Variants in AANAT observed in about 807,000 individuals in gnomAD.
AANAT encodes the protein serotonin N-acetyltransferase.
In AANAT, 11 loss-of-function variants were observed where a neutral mutation model predicts 15.6. The observed-to-expected ratio is 0.71, with a 90% CI of 0.44 to 1.17. AANAT has a LOEUF of 1.17. AANAT is among the 50% of genes most tolerant of loss of function. The pLI, the probability that AANAT is intolerant of heterozygous loss-of-function variation, is 0.00. For synonymous variants in AANAT, 139 were observed against 131.5 expected, an observed-to-expected ratio of 1.06 and a Z score of -0.39; for missense variants, 286 against 296.3, an observed-to-expected ratio of 0.97 and a Z score of 0.26.
In AANAT at chr17:76,457,629, A is replaced by G. The variant is rs545117128; in HGVS notation, c.-575-1618A>G. 2.6e-5 allele frequency among the ~76,000 whole-genome samples: 4 copies of G among 152,342 alleles called. No homozygotes were observed. In the South Asian group the frequency reaches 6.2e-4, roughly 24 times the overall value. On this transcript the variant is annotated intron_variant, in intron 1 of 6. Coordinates refer to the AANAT transcript ENST00000250615. ...TGGAGGTAAGACTCCTTGATTTTAC[A>G]TGCTGATCTCTCCCTCACTAGACTA... is the stretch of plus-strand genomic sequence containing the variant.
In AANAT at chr17:76,469,916, G is replaced by T; in HGVS notation, c.570G>T (p.Glu190Asp). Residue 190 changes from glutamate (E) to aspartate (D), a missense_variant, in exon 4 of 4, where the codon GAG (glutamate) becomes GAT (aspartate). Physicochemically the swap from Glu to Asp is conservative, Grantham distance 45. Transcript: ENST00000392492. The surrounding 1 kb of genome is among the most constrained non-coding windows in gnomAD (Gnocchi z 5.2). ...CCGTGGGCTCCCTCACCTTCATGGA[G>T]CTCCACTGCTCCCTGCGGGGCCACC... is the stretch of plus-strand genomic sequence containing the variant. ...AITVGSLTFM[E>D]LHCSLRGHPF... 1 of 1,561,206 alleles carries T rather than the reference G, an allele frequency of 6.4e-7. No homozygotes were observed. The highest frequency in any genetic ancestry group is 8.7e-7 in the Non-Finnish European group (1 of 1,153,942).
intron 1 of AANAT, among the ~76,000 whole-genome samples, chr17:76,455,205 A>G (rs979783358): frequency 2.8e-4 from 42 of 152,250 alleles, no homozygotes; most frequent in African/African-American, 9.6e-4. Flanking sequence ...AAATCCCAAC[A>G]CTTTGGGATG....
upstream of AANAT, among the ~76,000 whole-genome samples, chr17:76,464,497 G>T (rs934174372): frequency 1.3e-5 from 2 of 152,178 alleles, no homozygotes; most frequent in Non-Finnish European, 1.5e-5. Flanking sequence ...AAGAGGCCAG[G>T]CTGGGTGGAG....
intron 2 of AANAT, 90 bp downstream of exon 2, chr17:76,468,999 G>A: frequency 6.7e-7 from 1 of 1,497,722 alleles, no homozygotes; most frequent in Admixed American, 1.8e-5. Context: ...GTCCTTGGAG[G>A]CTGGGTCCCA....
At chr17:76,468,948 C>A in intron 2 of AANAT, 39 bp downstream of exon 2, 2 of 1,590,326 alleles carry the variant, frequency 1.3e-6, no homozygotes, top group South Asian at 1.1e-5. Flanking sequence ...ATGCTCCACT[C>A]TGGTCCAGTT....
rs963722237 is a variant in AANAT, at chr17:76,469,339, G to A, written c.318+12G>A. Reference sequence around the variant, plus strand: ...AGAGACTCATGCAGGTGAGGACAGGGCTGCGACGCCCAGCTCCAGGGAGGC... The same window carrying A: ...AGAGACTCATGCAGGTGAGGACAGGACTGCGACGCCCAGCTCCAGGGAGGC... On this transcript the variant is annotated intron_variant, in intron 3 of 3. Transcript: ENST00000392492. This position sits in a 1 kb window ranked among gnomAD's most constrained non-coding sequence, Gnocchi z 5.2. 6.2e-7 allele frequency: 1 copy of A among 1,613,586 alleles called. No individual in the cohort carries two copies. Among genetic ancestry groups the A allele is most frequent in the East Asian group, 2.2e-5 (1 of 44,888 alleles).
chr17:76,456,051 G>T (rs1321481202), intron 1 of AANAT, among the ~76,000 whole-genome samples: 7 of 151,916 alleles, frequency 4.6e-5, no homozygotes, highest in African/African-American at 1.7e-4. Context: ...CATGCACAAG[G>T]TCGGGCACGG....
At chr17:76,466,166 G>A (rs763840229), upstream of AANAT, 4 of 1,536,796 alleles carry the variant, frequency 2.6e-6, no homozygotes, top group Non-Finnish European at 3.5e-6. Context: ...GGCCACCAGG[G>A]GGTGCCATGG....
chr17:76,459,945 G>C (rs2073371058), intron 2 of AANAT, among the ~76,000 whole-genome samples: 1 of 152,046 alleles, frequency 6.6e-6, no homozygotes, highest in Non-Finnish European at 1.5e-5. Context: ...TGTTCCCAGG[G>C]TGACTGAAAA....
Position 76,469,799 on chromosome 17 carries a change from G to A in AANAT, c.453G>A (p.Pro151=), listed in dbSNP as rs138026520. The A allele has an allele frequency of 1.5e-4, 237 of 1,600,676 alleles. No homozygotes were observed. Among genetic ancestry groups the A allele is most frequent in the Middle Eastern group, 3.6e-4 (2 of 5,608 alleles). Residue 151 remains proline (P), a synonymous_variant, in exon 4 of 4, where the codon CCG becomes CCA. Coordinates refer to ENST00000392492, the MANE Select transcript of AANAT (RefSeq NM_001088.3). This position sits in a 1 kb window ranked among gnomAD's most constrained non-coding sequence, Gnocchi z 5.2. ...WRYLHHLGSQ[P]AVRRAALMCE... ...ACCTGCACCACCTGGGCAGCCAGCC[G>A]GCCGTGCGCCGGGCCGCGCTCATGT... is the stretch of plus-strand genomic sequence containing the variant.
upstream of AANAT, among the ~76,000 whole-genome samples, chr17:76,463,166 G>A (rs565572790): frequency 2.0e-5 from 3 of 152,310 alleles, no homozygotes; most frequent in East Asian, 5.8e-4. Flanking sequence ...GGGCCGTGGG[G>A]AGGTTTTCTC....
chr17:76,468,693 C>T lies in AANAT; in HGVS notation c.-54C>T. ...ACAGGTGCTGGGAGGCCCTCCTTGGCTTAGGAGGACACTTCCAAAGCTGGG... is the reference window on the plus strand; with the variant it reads ...ACAGGTGCTGGGAGGCCCTCCTTGGTTTAGGAGGACACTTCCAAAGCTGGG... On this transcript the variant is annotated 5_prime_UTR_variant, in exon 2 of 4. Coordinates refer to ENST00000392492, the MANE Select transcript of AANAT (RefSeq NM_001088.3). 6.4e-7 allele frequency: 1 copy of T among 1,566,902 alleles called. No individual in the cohort carries two copies. Among genetic ancestry groups the T allele is most frequent in the Middle Eastern group, 1.7e-4 (1 of 6,006 alleles).
At chr17:76,463,520 C>T (rs34546420), upstream of AANAT, among the ~76,000 whole-genome samples, 3 of 151,980 alleles carry the variant, frequency 2.0e-5, no homozygotes, top group East Asian at 5.8e-4. Context: ...GTTAGCCAGA[C>T]TGCTATTGAA....
chr17:76,464,733 G>A (rs978009288), upstream of AANAT, among the ~76,000 whole-genome samples: 3 of 151,456 alleles, frequency 2.0e-5, no homozygotes, highest in Non-Finnish European at 4.4e-5. Flanking sequence ...TCCAGTTTGT[G>A]TATCATCTGT....
At position 76,468,583 on chromosome 17, in the gene AANAT, C is replaced by T. The variant is rs754950645; in HGVS notation, c.-75-89C>T. 1.8e-5 allele frequency: 21 copies of T among 1,199,348 alleles called. No individual in the cohort carries two copies. The African/African-American group carries it at 3.1e-4, about 17-fold the overall frequency. 74.3% of individuals were successfully genotyped at this position (1,199,348 alleles called of 1,614,324 possible). On this transcript the variant is annotated intron_variant, in intron 1 of 3. Transcript: ENST00000392492. The stretch of plus-strand genomic sequence containing the variant: ...TTTAGGGGCTGTCTCCACCCCAGTT[C>T]CTGCTACAAAAGAGGCCAGATACAT...
At position 76,469,177 on chromosome 17, in the gene AANAT, C is replaced by T. The variant is rs759827642; in HGVS notation, c.168C>T (p.Phe56=). 6.2e-7 allele frequency: 1 copy of T among 1,614,116 alleles called. No individual in the cohort carries two copies. The highest frequency in any genetic ancestry group is 8.5e-7 in the Non-Finnish European group (1 of 1,180,006). The part of the protein sequence containing the change: ...VSAFEIEREA[F]ISVLGVCPLY... ...CACCTGAGCCTCCTGCCACAGCCTT[C>T]ATCTCCGTCTTGGGCGTCTGCCCCC... Residue 56 remains phenylalanine, a synonymous_variant, in exon 3 of 4, where the codon TTC becomes TTT. Transcript: ENST00000392492. The surrounding 1 kb of genome is among the most constrained non-coding windows in gnomAD (Gnocchi z 5.2).
intron 2 of AANAT, among the ~76,000 whole-genome samples, chr17:76,462,162 G>A (rs1249303870): frequency 1.3e-5 from 2 of 152,176 alleles, no homozygotes; most frequent in Non-Finnish European, 1.5e-5. Context: ...GGCTAAGGGA[G>A]GAAGGAGGCT....
At chr17:76,454,088 GCT>G (rs1322200495) in intron 1 of AANAT, among the ~76,000 whole-genome samples, 1 of 152,204 alleles carries the variant, frequency 6.6e-6, no homozygotes, top group Non-Finnish European at 1.5e-5. Context: ...CCTTCGATAA[GCT>G]TAACCATTGT....
In AANAT at chr17:76,467,640, G is replaced by A. The variant is rs929642707; in HGVS notation, c.-163G>A. On this transcript the variant is annotated 5_prime_UTR_variant, in exon 1 of 4. Coordinates refer to ENST00000392492, the MANE Select transcript of AANAT (RefSeq NM_001088.3). ...CTACAGCCTTGCAGCCCGGAGTCCC[G>A]GATTTTACTGGTTCCCGTGCCTGCG... The A allele has an allele frequency of 4.8e-5, 47 of 985,404 alleles. No individual in the cohort carries two copies. In the African/African-American group the frequency reaches 6.6e-4, roughly 14 times the overall value. The allele number at this position is 985,404 out of a possible 1,614,324, so 61.0% of individuals were successfully genotyped here.
Sources: gnomAD v4.1 joint callset for allele counts (sites outside exome capture counted in the v4.1 genomes callset) on GRCh38, gnomAD v4.1.1 for gene constraint, Gnocchi (gnomAD v3.1) non-coding constraint, MANE v1.5 for transcripts, NCBI Gene and HGNC (gene_info 2026-07-23, HGNC 2026-07-21) for gene names.